MAP2K1: variants seen among roughly 807,000 people sequenced by gnomAD.
MAP2K1 encodes the protein dual specificity mitogen-activated protein kinase kinase 1.
MAP2K1 carries 16 observed loss-of-function variants against 46.3 expected under a neutral mutation model. The ratio of observed to expected loss-of-function variants is 0.35; its 90% CI spans 0.23 to 0.52. The LOEUF (loss-of-function observed/expected upper bound fraction) is 0.52. Among genes scored for constraint, MAP2K1 ranks in the 20% least tolerant of loss-of-function variants. The pLI, the probability that MAP2K1 is intolerant of heterozygous loss-of-function variation, is 0.94. For synonymous variants in MAP2K1, 183 were observed against 185.6 expected (o/e 0.99, Z 0.11); for missense variants, 263 against 497.1 (o/e 0.53, Z 4.48).
intron 5 of MAP2K1, among the ~76,000 whole-genome samples, chr15:66,456,096 C>T (rs771861186): frequency 7.2e-5 from 11 of 152,128 alleles, no homozygotes; most frequent in Non-Finnish European, 1.5e-4. Flanking sequence ...TTTCCCCCAT[C>T]AAAGAGAAGT....
chr15:66,486,028 A>T (rs563804409), intron 7 of MAP2K1, among the ~76,000 whole-genome samples: 1 of 152,030 alleles, frequency 6.6e-6, no homozygotes, highest in African/African-American at 2.4e-5. Context: ...CCTCCTGAGT[A>T]GCTGAGACCA....
At chr15:66,489,808 T>G in intron 10 of MAP2K1, 45 bp downstream of exon 10, 1 of 1,502,876 alleles carries the variant, frequency 6.7e-7, no homozygotes, top group Non-Finnish European at 9.3e-7. Context: ...GTTTATTCAT[T>G]TGTTCTTCTC....
At chr15:66,395,724 A>C (rs777567507) in intron 1 of MAP2K1, among the ~76,000 whole-genome samples, 7 of 149,252 alleles carry the variant, frequency 4.7e-5, no homozygotes, top group Non-Finnish European at 7.4e-5. Context: ...TTACAGGCGC[A>C]CACCACCACG....
rs539003905 is a variant in MAP2K1 at position 66,446,632 on chromosome 15, T to C, written c.568+1925T>C. The C allele has an allele frequency of 4.7e-4, 167 of 358,598 alleles. 1 individual carries two copies. The highest frequency in any genetic ancestry group is 3.9e-3 in the South Asian group (160 of 41,480). 22.2% of individuals were successfully genotyped at this position (358,598 alleles called of 1,614,324 possible). On this transcript the variant is annotated intron_variant, in intron 5 of 10. Coordinates refer to ENST00000307102, the MANE Select transcript of MAP2K1 (RefSeq NM_002755.4). ...AGTCACTGTGTTGTTCTTTGCTTTG[T>C]ATACATAAGCACATCTCTTGCCCAA...
At chr15:66,392,279 T>TTTA (rs1555412519) in intron 1 of MAP2K1, among the ~76,000 whole-genome samples, 118 of 133,448 alleles carry the variant, frequency 8.8e-4, no homozygotes, top group African/African-American at 1.3e-3. Context: ...TTTTTTTTTT[T>TTTA]AAGAAAGGGT....
Position 66,399,015 on chromosome 15 carries a change from C to T in MAP2K1, c.80+11588C>T, listed in dbSNP as rs1287701447. Among the ~76,000 whole-genome samples, 6 of 152,120 alleles carry T rather than the reference C, an allele frequency of 3.9e-5. No homozygotes were observed. The South Asian group carries it at 6.2e-4, about 16-fold the overall frequency. On this transcript the variant is annotated intron_variant, in intron 1 of 10. Coordinates refer to ENST00000307102, the MANE Select transcript of MAP2K1 (RefSeq NM_002755.4). The stretch of plus-strand genomic sequence containing the variant: ...CTCAAACTCCTGACCTGAAGTGATC[C>T]GCCTGCCGCGGCCTCCCAAAGTGCT...
Position 66,458,828 on chromosome 15 carries a change from A to G in MAP2K1, c.568+14121A>G, listed in dbSNP as rs1312330014. Reference sequence around the variant, plus strand: ...ATCCACTGTGCTTAGCTGCCAGCTTAGATTTTTGAGGGGTACATAGCCCAC... The same window carrying G: ...ATCCACTGTGCTTAGCTGCCAGCTTGGATTTTTGAGGGGTACATAGCCCAC... On this transcript the variant is annotated intron_variant, in intron 5 of 10. Transcript: ENST00000307102. 2.0e-5 allele frequency among the ~76,000 whole-genome samples: 3 copies of G among 152,276 alleles called. No homozygotes were observed. The South Asian group carries it at 6.2e-4, about 32-fold the overall frequency.
intron 5 of MAP2K1, among the ~76,000 whole-genome samples, chr15:66,455,750 C>T (rs1405839743): frequency 6.6e-6 from 1 of 152,246 alleles, no homozygotes; most frequent in African/African-American, 2.4e-5. Context: ...AGTGATTTGT[C>T]TCTGCCATAA....
intron 9 of MAP2K1, 150 bp downstream of exon 9, chr15:66,489,426 T>TTA (rs1893164424): frequency 2.5e-6 from 2 of 784,954 alleles, no homozygotes; most frequent in Admixed American, 4.0e-5. Flanking sequence ...CATAAGCCCT[T>TTA]TTTTAGAGTG....
chr15:66,486,887 C>G (rs945759544), intron 7 of MAP2K1, among the ~76,000 whole-genome samples: 3 of 152,138 alleles, frequency 2.0e-5, no homozygotes, highest in African/African-American at 7.2e-5. Flanking sequence ...AAACTAAGTC[C>G]TTTAGTTATT....
chr15:66,490,136 G>C, intron 10 of MAP2K1: 1 of 512,826 alleles, frequency 1.9e-6, no homozygotes, highest in Admixed American at 3.2e-5. Context: ...AGTGGAAATA[G>C]CTAAGTAATA....
intron 1 of MAP2K1, among the ~76,000 whole-genome samples, chr15:66,426,469 T>C (rs1043980945): frequency 6.6e-6 from 1 of 152,218 alleles, no homozygotes; most frequent in African/African-American, 2.4e-5. Flanking sequence ...TCCATGAGTT[T>C]CTTCTCAAGA....
In MAP2K1 at chr15:66,420,706, CATAT is replaced by C. The variant is rs752935675; in HGVS notation, c.81-14308_81-14305del. 2.8e-3 allele frequency among the ~76,000 whole-genome samples: 57 copies of C among 20,404 alleles called. 4 individuals are homozygous for C. Among genetic ancestry groups the C allele is most frequent in the African/African-American group, 3.6e-3 (24 of 6,580 alleles). 13.4% of individuals were successfully genotyped at this position (20,404 alleles called of 152,430 possible). ...TTATTCCCCTAATACTTACTCTTGG[CATAT>C]ATATATATATATGTGTGTGTGTGTG... On this transcript the variant is annotated intron_variant, in intron 1 of 10. Coordinates refer to ENST00000307102, the MANE Select transcript of MAP2K1 (RefSeq NM_002755.4).
At chr15:66,422,584 C>T (rs577120732) in intron 1 of MAP2K1, among the ~76,000 whole-genome samples, 40 of 151,892 alleles carry the variant, frequency 2.6e-4, no homozygotes, top group African/African-American at 8.7e-4. Context: ...GTACCTATGA[C>T]GGGAAAAAAA....
At chr15:66,480,591 G>T (rs1317976798) in intron 5 of MAP2K1, among the ~76,000 whole-genome samples, 1 of 152,078 alleles carries the variant, frequency 6.6e-6, no homozygotes, top group Non-Finnish European at 1.5e-5. Flanking sequence ...AATAATAAAT[G>T]CATTCATATA....
At chr15:66,426,373 A>AC (rs1243322302) in intron 1 of MAP2K1, among the ~76,000 whole-genome samples, 3 of 151,674 alleles carry the variant, frequency 2.0e-5, no homozygotes, top group Non-Finnish European at 4.4e-5. Flanking sequence ...AAAAAAAAAA[A>AC]ACCTTTATAA....
At chr15:66,452,701 G>A (rs899940385) in intron 5 of MAP2K1, among the ~76,000 whole-genome samples, 2 of 152,298 alleles carry the variant, frequency 1.3e-5, no homozygotes, top group Non-Finnish European at 2.9e-5. Flanking sequence ...CTCAGAGGTT[G>A]CTGTGAGGAT....
chr15:66,456,259 A>G (rs1022364936), intron 5 of MAP2K1, among the ~76,000 whole-genome samples: 2 of 152,218 alleles, frequency 1.3e-5, no homozygotes, highest in Admixed American at 6.5e-5. Context: ...TGACTCTTGT[A>G]TATTGTGGAA....
intron 1 of MAP2K1, among the ~76,000 whole-genome samples, chr15:66,405,026 A>G (rs2140530190): frequency 6.6e-6 from 1 of 152,378 alleles, no homozygotes; most frequent in Middle Eastern, 3.4e-3. Flanking sequence ...CGCAACTGGA[A>G]AAATAGCTAC....
Sources: allele counts gnomAD v4.1 joint callset (sites outside exome capture counted in the v4.1 genomes callset), GRCh38; gene constraint gnomAD v4.1.1; transcripts MANE v1.5; gene names NCBI Gene and HGNC (gene_info 2026-07-23, HGNC 2026-07-21).